Variants in KLHL32 observed in about 807,000 individuals in gnomAD.
The protein encoded by KLHL32 is kelch like family member 32, also known as kelch-like protein 32.
In KLHL32, 35 loss-of-function variants were observed where a neutral mutation model predicts 64.8. That is an observed-to-expected ratio of 0.54 (90% CI 0.41 to 0.72). KLHL32 has a LOEUF of 0.72. KLHL32 is among the 30% of genes least tolerant of loss of function. The pLI is 0.00. For synonymous variants in KLHL32, 259 were observed against 281.0 expected (o/e 0.92, Z 0.78); for missense variants, 589 against 768.5 (o/e 0.77, Z 2.76).
chr6:97,067,184 C>A (rs1789924785), intron 5 of KLHL32, among the ~76,000 whole-genome samples: 1 of 152,210 alleles, frequency 6.6e-6, no homozygotes, highest in African/African-American at 2.4e-5. Context: ...CCTCACCATC[C>A]TGCAGTTCCT....
intron 3 of KLHL32, among the ~76,000 whole-genome samples, chr6:97,040,782 C>T (rs1737642): frequency 0.17 from 25,913 of 152,082 alleles, 2,530 homozygotes; most frequent in African/African-American, 0.28. Context: ...CGATTTCCCC[C>T]ATGCTGTTCT....
intron 5 of KLHL32, among the ~76,000 whole-genome samples, chr6:97,076,461 A>G (rs1791601813): frequency 6.6e-6 from 1 of 152,182 alleles, no homozygotes; most frequent in Non-Finnish European, 1.5e-5. Context: ...CAATTTTTAG[A>G]TGAGAAAATT....
chr6:96,928,292 G>T (rs1322141766), intron 1 of KLHL32, among the ~76,000 whole-genome samples: 9 of 152,148 alleles, frequency 5.9e-5, no homozygotes, highest in Admixed American at 2.0e-4. Flanking sequence ...AAAGATGGGA[G>T]TCTCCACCAG....
intron 6 of KLHL32, among the ~76,000 whole-genome samples, chr6:97,100,769 A>C (rs1795597293): frequency 6.6e-6 from 1 of 150,428 alleles, no homozygotes; most frequent in Non-Finnish European, 1.5e-5. Context: ...TTTGCCAGTG[A>C]ACGTGCTCTT....
chr6:97,127,169 C>G (rs182957504), intron 7 of KLHL32, among the ~76,000 whole-genome samples: 14 of 152,312 alleles, frequency 9.2e-5, no homozygotes, highest in Non-Finnish European at 1.8e-4. Flanking sequence ...TTGGGGTCCT[C>G]TTGGTAATGT....
intron 6 of KLHL32, among the ~76,000 whole-genome samples, chr6:97,096,290 C>G (rs937274292): frequency 6.6e-6 from 1 of 152,202 alleles, no homozygotes; most frequent in Non-Finnish European, 1.5e-5. Context: ...CAGGTAGACA[C>G]GCATGCACAC....
intron 6 of KLHL32, among the ~76,000 whole-genome samples, chr6:97,102,588 C>A (rs1048252469): frequency 6.6e-5 from 10 of 152,036 alleles, no homozygotes; most frequent in Non-Finnish European, 1.3e-4. Context: ...CAATCCCAGC[C>A]ATCAATGACT....
intron 3 of KLHL32, among the ~76,000 whole-genome samples, chr6:97,033,594 ACCC>A (rs1783892146): frequency 1.3e-5 from 2 of 151,962 alleles, no homozygotes; most frequent in African/African-American, 2.4e-5. Context: ...TTTTTTTAGT[ACCC>A]TCTCTACTGT....
chr6:97,041,542 G>T lies in KLHL32; in HGVS notation c.255G>T (p.Leu85Phe), dbSNP rs1260231255. 5.0e-6 allele frequency: 8 copies of T among 1,613,952 alleles called. No homozygotes were observed. In the Admixed American group the frequency reaches 5.0e-5, roughly 10 times the overall value. The change falls in exon 4 of 11, where the codon TTG (leucine) becomes TTT (phenylalanine). Residue 85 changes from leucine to phenylalanine, a missense_variant. Leu to Phe is a conservative substitution (Grantham distance 22). Transcript: ENST00000369261. ...AAAGTGGAGCTGATGAGGTTAATTT[G>T]CACGGTGTGACCAGCCTTGGCTTAA... Reference protein sequence around the residue: ...MVESGADEVNLHGVTSLGLKQ... With the variant: ...MVESGADEVNFHGVTSLGLKQ...
chr6:97,091,247 G>A (rs533540569), intron 6 of KLHL32, among the ~76,000 whole-genome samples: 1 of 152,318 alleles, frequency 6.6e-6, no homozygotes, highest in African/African-American at 2.4e-5. Context: ...AGAAAAAAGA[G>A]CATGACCATT....
At chr6:97,108,503 A>G (rs1796702812) in intron 6 of KLHL32, among the ~76,000 whole-genome samples, 1 of 152,334 alleles carries the variant, frequency 6.6e-6, no homozygotes, top group Non-Finnish European at 1.5e-5. Context: ...CTCCACCAGC[A>G]TGGCAGTGAA....
At chr6:97,136,982 G>T (rs571647649) in intron 10 of KLHL32, among the ~76,000 whole-genome samples, 1 of 152,134 alleles carries the variant, frequency 6.6e-6, no homozygotes, top group Admixed American at 6.5e-5. Flanking sequence ...ACCACTTGCC[G>T]TGTGACCCTG....
At chr6:96,933,960 GA>G (rs1294541160) in intron 1 of KLHL32, among the ~76,000 whole-genome samples, 1 of 152,178 alleles carries the variant, frequency 6.6e-6, no homozygotes, top group East Asian at 1.9e-4. Context: ...GAGTGACCTT[GA>G]CTTCAGAACT....
intron 6 of KLHL32, among the ~76,000 whole-genome samples, chr6:97,112,154 C>A (rs1797234419): frequency 6.6e-6 from 1 of 152,118 alleles, no homozygotes; most frequent in African/African-American, 2.4e-5. Flanking sequence ...AGTGGGGACC[C>A]ATCTTCTTCT....
At chr6:97,119,945 C>T (rs1211502433) in intron 7 of KLHL32, among the ~76,000 whole-genome samples, 1 of 152,022 alleles carries the variant, frequency 6.6e-6, no homozygotes, top group Non-Finnish European at 1.5e-5. Flanking sequence ...GGCTGAGTAG[C>T]TAGAAGACGA....
At chr6:97,012,372 GT>G (rs1445797913) in intron 3 of KLHL32, among the ~76,000 whole-genome samples, 1 of 152,200 alleles carries the variant, frequency 6.6e-6, no homozygotes, top group African/African-American at 2.4e-5. Flanking sequence ...TTGGAGTGAT[GT>G]GATTGTTGGC....
intron 10 of KLHL32, among the ~76,000 whole-genome samples, chr6:97,135,322 T>TTC (rs373996278): frequency 2.8e-4 from 31 of 112,326 alleles, no homozygotes; most frequent in South Asian, 6.8e-4. Flanking sequence ...TTTTTTTTTT[T>TTC]CCTGAGAGTG....
chr6:96,970,712 C>T (rs557811380), intron 2 of KLHL32, among the ~76,000 whole-genome samples: 1 of 152,122 alleles, frequency 6.6e-6, no homozygotes, highest in Non-Finnish European at 1.5e-5. Context: ...TAATTAAGTT[C>T]CTTTCTACAG....
chr6:97,001,093 G>A (rs573103052), intron 3 of KLHL32, among the ~76,000 whole-genome samples: 2 of 152,310 alleles, frequency 1.3e-5, no homozygotes, highest in African/African-American at 4.8e-5. Flanking sequence ...ATATGATACT[G>A]TAATGGTAGA....
Sources: allele counts gnomAD v4.1 joint callset (sites outside exome capture counted in the v4.1 genomes callset), GRCh38; gene constraint gnomAD v4.1.1; transcripts MANE v1.5; gene names NCBI Gene and HGNC (gene_info 2026-07-23, HGNC 2026-07-21).